IL1RAPL1: variants seen among roughly 807,000 people sequenced by gnomAD.
IL1RAPL1 encodes interleukin-1 receptor accessory protein-like 1.
In IL1RAPL1, 3 loss-of-function variants were observed where a neutral mutation model predicts 48.4. The ratio of observed to expected loss-of-function variants is 0.06; its 90% CI spans 0.03 to 0.16. The LOEUF (loss-of-function observed/expected upper bound fraction) is 0.16, where lower values mean the gene tolerates loss of function less well. Among genes scored for constraint, IL1RAPL1 ranks in the 10% least tolerant of loss-of-function variants. IL1RAPL1 has a pLI of 1.00. For synonymous variants in IL1RAPL1, 185 were observed against 187.7 expected (o/e 0.99, Z 0.12); for missense variants, 349 against 530.6 (o/e 0.66, Z 3.36).
At chrX:28,662,061 C>A (rs1439022963) in intron 1 of IL1RAPL1, among the ~76,000 whole-genome samples, 1 of 111,196 alleles carries the variant, frequency 9.0e-6, no homozygotes, top group Non-Finnish European at 1.9e-5. Flanking sequence ...CTTCTTTGCT[C>A]CTTCAGGTGT....
intron 5 of IL1RAPL1, among the ~76,000 whole-genome samples, chrX:29,559,748 C>G (rs1922127793): frequency 1.8e-5 from 2 of 111,144 alleles, no homozygotes; most frequent in South Asian, 3.7e-4. Flanking sequence ...CTATTTTAAG[C>G]TGACAACTTA....
At chrX:29,443,445 T>C (rs945121757) in intron 5 of IL1RAPL1, among the ~76,000 whole-genome samples, 1 of 111,332 alleles carries the variant, frequency 9.0e-6, no homozygotes, top group Admixed American at 9.6e-5. Context: ...ATCTTCCAGC[T>C]CTATTATTCG....
chrX:29,166,264 A>T (rs1210776696), intron 2 of IL1RAPL1, among the ~76,000 whole-genome samples: 1 of 112,601 alleles, frequency 8.9e-6, no homozygotes, highest in Non-Finnish European at 1.9e-5. Flanking sequence ...AAGGAAGTGC[A>T]TGTAATTATT....
intron 2 of IL1RAPL1, among the ~76,000 whole-genome samples, chrX:29,269,353 T>G (rs1932004381): frequency 9.0e-6 from 1 of 111,271 alleles, no homozygotes; most frequent in Admixed American, 9.6e-5. Context: ...TAGTAGATAT[T>G]TATATTAACA....
chrX:29,430,837 A>G (rs1246658259), intron 5 of IL1RAPL1, among the ~76,000 whole-genome samples: 1 of 110,281 alleles, frequency 9.1e-6, no homozygotes, highest in East Asian at 2.8e-4. Context: ...CAGAAGAGAA[A>G]CTCTTGGTAA....
At chrX:28,700,254 G>A (rs917193721) in intron 1 of IL1RAPL1, among the ~76,000 whole-genome samples, 2 of 110,933 alleles carry the variant, frequency 1.8e-5, no homozygotes, top group African/African-American at 6.5e-5. Context: ...TATAAGCTGA[G>A]ATGGGGAAGA....
chrX:29,605,593 G>T (rs1923867745), intron 5 of IL1RAPL1, among the ~76,000 whole-genome samples: 2 of 111,221 alleles, frequency 1.8e-5, no homozygotes, highest in African/African-American at 6.5e-5. Flanking sequence ...TATGAAAGCT[G>T]ACAGGCTACT....
At chrX:29,740,139 A>G (rs752777053) in intron 6 of IL1RAPL1, among the ~76,000 whole-genome samples, 190 of 103,473 alleles carry the variant, frequency 1.8e-3, no homozygotes, top group African/African-American at 6.7e-3. Context: ...AAAAAAAAAA[A>G]AAGAAGCAGC....
intron 2 of IL1RAPL1, among the ~76,000 whole-genome samples, chrX:29,145,077 C>G (rs1929324350): frequency 9.0e-6 from 1 of 110,727 alleles, no homozygotes; most frequent in South Asian, 3.9e-4. Context: ...TAAATTTAAA[C>G]TTTAGAGAGA....
intron 2 of IL1RAPL1, among the ~76,000 whole-genome samples, chrX:28,830,411 C>T (rs1039242375): frequency 9.0e-6 from 1 of 111,711 alleles, no homozygotes; most frequent in Non-Finnish European, 1.9e-5. Flanking sequence ...CTTCTTCCAG[C>T]TCAAATTGGC....
At chrX:29,803,166 C>T (rs765480767) in intron 6 of IL1RAPL1, among the ~76,000 whole-genome samples, 1 of 76,799 alleles carries the variant, frequency 1.3e-5, no homozygotes, top group African/African-American at 5.5e-5. Flanking sequence ...CATGCATACA[C>T]ATATGCATAC....
At chrX:28,952,024 C>G (rs1365191152) in intron 2 of IL1RAPL1, among the ~76,000 whole-genome samples, 1 of 110,649 alleles carries the variant, frequency 9.0e-6, no homozygotes, top group African/African-American at 3.3e-5. Flanking sequence ...GGGCAAGTTA[C>G]TTATTCTTTT....
chrX:29,374,653 T>G (rs1455987540), intron 3 of IL1RAPL1, among the ~76,000 whole-genome samples: 2 of 109,502 alleles, frequency 1.8e-5, no homozygotes, highest in Non-Finnish European at 3.8e-5. Context: ...GGTGGGTCAC[T>G]GAGGGTCTGA....
intron 5 of IL1RAPL1, among the ~76,000 whole-genome samples, chrX:29,527,175 G>A (rs1323913276): frequency 1.8e-5 from 2 of 110,024 alleles, no homozygotes; most frequent in East Asian, 2.9e-4. Context: ...AAATGGTTTC[G>A]TATAAAAGAG....
At chrX:29,678,336 A>G (rs2087364182) in intron 6 of IL1RAPL1, among the ~76,000 whole-genome samples, 2 of 97,553 alleles carry the variant, frequency 2.1e-5, no homozygotes, top group Admixed American at 1.1e-4. Context: ...CACAAGTTCA[A>G]CACTACTTTT....
At chrX:29,824,152 T>C (rs191352108) in intron 6 of IL1RAPL1, among the ~76,000 whole-genome samples, 2 of 111,779 alleles carry the variant, frequency 1.8e-5, no homozygotes, top group Non-Finnish European at 3.8e-5. Context: ...TTTGATAAGC[T>C]CCACTAGGCA....
intron 6 of IL1RAPL1, among the ~76,000 whole-genome samples, chrX:29,801,076 A>AAACAAAAAAC (rs1929889477): frequency 2.3e-5 from 2 of 87,013 alleles, no homozygotes; most frequent in African/African-American, 1.1e-4. Context: ...AAAAAAAAAA[A>AAACAAAAAAC]AAAACTCATC....
intron 1 of IL1RAPL1, among the ~76,000 whole-genome samples, chrX:28,616,320 C>A (rs188994158): frequency 8.9e-6 from 1 of 112,329 alleles, no homozygotes; most frequent in Non-Finnish European, 1.9e-5. Flanking sequence ...GCTTAGAAAA[C>A]GACTATTTGT....
At chrX:29,203,550 G>A (rs925525611) in intron 2 of IL1RAPL1, among the ~76,000 whole-genome samples, 4 of 108,502 alleles carry the variant, frequency 3.7e-5, no homozygotes, top group South Asian at 4.0e-4. Flanking sequence ...GAGAAACCCC[G>A]TCTCTACTAA....
Sources: gnomAD v4.1 joint callset for allele counts (sites outside exome capture counted in the v4.1 genomes callset) on GRCh38, gnomAD v4.1.1 for gene constraint, MANE v1.5 for transcripts, NCBI Gene and HGNC (gene_info 2026-07-23, HGNC 2026-07-21) for gene names.